Variants in MYT1L observed in about 807,000 individuals in gnomAD.
The protein encoded by MYT1L is myelin transcription factor 1-like protein.
MYT1L carries 12 observed loss-of-function variants against 126.7 expected under a neutral mutation model. That is an observed-to-expected ratio of 0.09 (90% confidence interval 0.06 to 0.15). The LOEUF is 0.15. MYT1L is among the 10% of genes least tolerant of loss of function. The pLI, the probability that MYT1L is intolerant of heterozygous loss-of-function variation, is 1.00. For missense variants in MYT1L, 979 were observed against 1,585.2 expected (o/e 0.62, Z 6.49); for synonymous variants, 541 against 604.2 (o/e 0.90, Z 1.53).
At chr2:1,851,590 CA>C in intron 19 of MYT1L, 50 bp downstream of exon 19, 1 of 1,542,642 alleles carries the variant, frequency 6.5e-7, no homozygotes, top group Non-Finnish European at 9.0e-7. Flanking sequence ...ATATTCCTGC[CA>C]TTTCAGTGAG....
Position 2,115,113 on chromosome 2 carries a change from G to A in MYT1L, c.-304+57759C>T, listed in dbSNP as rs377028632. Among the ~76,000 whole-genome samples the A allele has an allele frequency of 7.2e-5, 11 of 152,180 alleles. No individual in the cohort carries two copies. In the East Asian group the frequency reaches 1.7e-3, roughly 24 times the overall value. ...CCCCACAGTGAGTCCCTCACCACCC[G>A]GCTGTTAACACTTTTCCCTGCTCCT... On this transcript the variant is annotated intron_variant, in intron 3 of 24. Transcript: ENST00000647738.
chr2:2,012,777 C>T (rs779844324), intron 4 of MYT1L, among the ~76,000 whole-genome samples: 2 of 152,168 alleles, frequency 1.3e-5, no homozygotes, highest in Non-Finnish European at 2.9e-5. Context: ...ACCCGTCAGT[C>T]ACTTGGAAGC....
rs752875350 is a variant in MYT1L, at chr2:1,943,377, A to T, written c.153-43T>A. 1 of 1,486,790 alleles carries T rather than the reference A, an allele frequency of 6.7e-7. No individual in the cohort carries two copies. The highest frequency in any genetic ancestry group is 8.9e-7 in the Non-Finnish European group (1 of 1,120,664). 92.1% of individuals were successfully genotyped at this position (1,486,790 alleles called of 1,614,324 possible). A position where few individuals can be genotyped will look rare whatever the true frequency, so the allele number is the denominator to read the frequency against. On this transcript the variant is annotated intron_variant, in intron 8 of 24. Coordinates refer to ENST00000647738, the MANE Select transcript of MYT1L (RefSeq NM_001303052.2). The surrounding 1 kb of genome is among the most constrained non-coding windows in gnomAD (Gnocchi z 4.4). ...GAAGGCAGGGGAGAGAGAGAAAAAA[A>T]ATATCTGTGTTACTGTCTTTTAAAA...
intron 18 of MYT1L, among the ~76,000 whole-genome samples, chr2:1,859,772 C>T (rs772257022): frequency 1.3e-5 from 2 of 152,248 alleles, no homozygotes; most frequent in African/African-American, 2.4e-5. Flanking sequence ...ATCCAGCCGC[C>T]CTGCCCCCTG....
chr2:2,140,378 T>C (rs1025424531), intron 3 of MYT1L, among the ~76,000 whole-genome samples: 1 of 152,022 alleles, frequency 6.6e-6, no homozygotes, highest in Non-Finnish European at 1.5e-5. Context: ...TTGTAGAAAT[T>C]TGCTCTTTTT....
intron 3 of MYT1L, among the ~76,000 whole-genome samples, chr2:2,170,965 C>T (rs937734353): frequency 1.1e-4 from 17 of 152,252 alleles, no homozygotes; most frequent in African/African-American, 3.6e-4. Flanking sequence ...ACTGGTTGTG[C>T]GTCTTGCTCT....
chr2:1,889,210 A>G lies in MYT1L; in HGVS notation c.2520+31T>C. ...CTGGGGCCCCATTTTTAAGTCTGGC[A>G]GTCAACACAGGCTCAATGAAAAGGA... On this transcript the variant is annotated intron_variant, in intron 16 of 24. Transcript: ENST00000647738. The surrounding 1 kb of genome is among the most constrained non-coding windows in gnomAD (Gnocchi z 4.1). 1.3e-6 allele frequency: 2 copies of G among 1,569,600 alleles called. No individual in the cohort carries two copies. The highest frequency in any genetic ancestry group is 1.7e-6 in the Non-Finnish European group (2 of 1,145,550).
At position 1,910,380 on chromosome 2, in the gene MYT1L, G is replaced by A. The variant is rs915936244; in HGVS notation, c.1710-33C>T. The A allele has an allele frequency of 6.4e-7, 1 of 1,560,470 alleles. No individual in the cohort carries two copies. The highest frequency in any genetic ancestry group is 8.8e-7 in the Non-Finnish European group (1 of 1,139,562). ...CACAGAAAGCGGGTTGAATGGTCCCGCCTCAAACACCTTCACAGCACACTA... is the reference window on the plus strand; with the variant it reads ...CACAGAAAGCGGGTTGAATGGTCCCACCTCAAACACCTTCACAGCACACTA... On this transcript the variant is annotated intron_variant, in intron 12 of 24. Coordinates refer to ENST00000647738, the MANE Select transcript of MYT1L (RefSeq NM_001303052.2). The surrounding 1 kb of genome is among the most constrained non-coding windows in gnomAD (Gnocchi z 4.8).
At chr2:1,989,989 C>G (rs961940441) in intron 5 of MYT1L, among the ~76,000 whole-genome samples, 1 of 152,174 alleles carries the variant, frequency 6.6e-6, no homozygotes, top group Admixed American at 6.5e-5. Flanking sequence ...AAGAGTGAAA[C>G]TCCGTCTCAA....
At chr2:2,074,233 T>A (rs866704918) in intron 3 of MYT1L, among the ~76,000 whole-genome samples, 22 of 152,220 alleles carry the variant, frequency 1.4e-4, no homozygotes, top group African/African-American at 3.1e-4. Flanking sequence ...TAACTGATTT[T>A]AAAAAAAACA....
At chr2:1,965,155 A>AAAAGATGAACGCTTTGTTTGGAAGAACCT (rs1558563341) in intron 8 of MYT1L, among the ~76,000 whole-genome samples, 26 of 152,046 alleles carry the variant, frequency 1.7e-4, no homozygotes, top group African/African-American at 5.8e-4. Context: ...TGTGACTTGC[A>AAAAGATGAACGCTTTGTTTGGAAGAACCT]GGGACCAGGC....
chr2:2,114,243 C>T (rs989250930), intron 3 of MYT1L, among the ~76,000 whole-genome samples: 1 of 152,130 alleles, frequency 6.6e-6, no homozygotes, highest in East Asian at 1.9e-4. Context: ...AATAGAAAAC[C>T]AGCATTTTGA....
intron 5 of MYT1L, among the ~76,000 whole-genome samples, chr2:1,988,848 A>G (rs2061253961): frequency 1.3e-5 from 2 of 152,204 alleles, no homozygotes. Flanking sequence ...GCCGATGCTG[A>G]GGATATGCTT....
intron 21 of MYT1L, among the ~76,000 whole-genome samples, chr2:1,820,291 C>T (rs2038343660): frequency 6.6e-6 from 1 of 152,178 alleles, no homozygotes; most frequent in Admixed American, 6.5e-5. Context: ...TCCAGCATTG[C>T]TGTTGAGTAC....
At chr2:2,096,108 T>C (rs932242650) in intron 3 of MYT1L, among the ~76,000 whole-genome samples, 3 of 152,252 alleles carry the variant, frequency 2.0e-5, no homozygotes, top group African/African-American at 7.2e-5. Flanking sequence ...CACAAAAGAA[T>C]GACCACAGCG....
intron 8 of MYT1L, among the ~76,000 whole-genome samples, chr2:1,969,335 T>C (rs2059631427): frequency 6.6e-6 from 1 of 152,214 alleles, no homozygotes. Context: ...CCGTTGGCTC[T>C]GTGTGTGAGT....
intron 2 of MYT1L, among the ~76,000 whole-genome samples, chr2:2,196,748 C>A (rs2092816414): frequency 6.6e-6 from 1 of 151,392 alleles, no homozygotes. Context: ...AAGTTATAGA[C>A]AGAATAAAGG....
chr2:2,023,711 C>T lies in MYT1L; in HGVS notation c.-157-26364G>A, dbSNP rs149829151. On this transcript the variant is annotated intron_variant, in intron 4 of 24. Coordinates refer to ENST00000647738, the MANE Select transcript of MYT1L (RefSeq NM_001303052.2). Reference sequence around the variant, plus strand: ...CTGTCTAGCGAGTCTTCCTCTTCGACGAAGTGAATTCTTCTCTTTCTCAGG... The same window carrying T: ...CTGTCTAGCGAGTCTTCCTCTTCGATGAAGTGAATTCTTCTCTTTCTCAGG... Among the ~76,000 whole-genome samples, 669 of 151,962 alleles carry T rather than the reference C, an allele frequency of 4.4e-3. 4 individuals carry two copies. Among genetic ancestry groups the T allele is most frequent in the Middle Eastern group, 0.027 (8 of 294 alleles).
intron 2 of MYT1L, among the ~76,000 whole-genome samples, chr2:2,266,509 C>A (rs1338953784): frequency 2.0e-5 from 3 of 152,122 alleles, no homozygotes; most frequent in Non-Finnish European, 4.4e-5. Context: ...GGGTGAGGGA[C>A]CACAGCATTT....
Sources: gnomAD v4.1 joint callset for allele counts (sites outside exome capture counted in the v4.1 genomes callset) on GRCh38, gnomAD v4.1.1 for gene constraint, Gnocchi (gnomAD v3.1) non-coding constraint, MANE v1.5 for transcripts, NCBI Gene and HGNC (gene_info 2026-07-23, HGNC 2026-07-21) for gene names.